The following PDE11A variants were observed in gnomAD, a reference collection of about 807,000 sequenced individuals.
PDE11A encodes phosphodiesterase 11A, also known as dual 3',5'-cyclic-AMP and -GMP phosphodiesterase 11A.
A neutral mutation model predicts 100.5 loss-of-function variants in PDE11A; 100 were observed. That is an observed-to-expected ratio of 1.00 (90% CI 0.85 to 1.18). The LOEUF is 1.18. PDE11A is among the 50% of genes most tolerant of loss of function. The pLI is 0.00. For synonymous variants in PDE11A, 381 were observed against 420.8 expected, an observed-to-expected ratio of 0.91 and a Z score of 1.16; for missense variants, 1,141 against 1,152.6, an observed-to-expected ratio of 0.99 and a Z score of 0.15.
chr2:178,058,036 T>C (rs549163934), intron 1 of PDE11A, among the ~76,000 whole-genome samples: 51 of 152,190 alleles, frequency 3.4e-4, no homozygotes, highest in African/African-American at 1.1e-3. Context: ...TTTTCTATTT[T>C]TAGTAAAGAC....
chr2:177,737,420 T>TACACACACTCACACAC (rs2081804329), intron 10 of PDE11A, among the ~76,000 whole-genome samples: 1 of 110,434 alleles, frequency 9.1e-6, no homozygotes, highest in Non-Finnish European at 2.0e-5. Context: ...CTACTAAAAA[T>TACACACACTCACACAC]ACACACACAC....
At chr2:177,731,928 TA>T (rs1183611138) in intron 10 of PDE11A, among the ~76,000 whole-genome samples, 1 of 152,098 alleles carries the variant, frequency 6.6e-6, no homozygotes, top group Non-Finnish European at 1.5e-5. Context: ...TTTGAGAATT[TA>T]TGCACTAAAA....
intron 5 of PDE11A, among the ~76,000 whole-genome samples, chr2:177,857,834 A>G (rs971227607): frequency 1.4e-4 from 21 of 152,228 alleles, no homozygotes; most frequent in African/African-American, 5.1e-4. Flanking sequence ...AAATAAAAAA[A>G]TGGAAAAAGT....
intron 4 of PDE11A, 59 bp downstream of exon 4, chr2:177,897,998 TA>T: frequency 7.3e-7 from 1 of 1,363,138 alleles, no homozygotes; most frequent in Non-Finnish European, 1.1e-6. Context: ...TAATTATAAA[TA>T]AACTCAACTT....
intron 19 of PDE11A, among the ~76,000 whole-genome samples, chr2:177,657,687 GA>G (rs1477733484): frequency 2.6e-5 from 4 of 151,964 alleles, no homozygotes; most frequent in Non-Finnish European, 5.9e-5. Context: ...AAAGCAGAAA[GA>G]GGCGGGTGAG....
intron 6 of PDE11A, among the ~76,000 whole-genome samples, chr2:177,822,183 T>C (rs1486173392): frequency 2.0e-5 from 3 of 152,006 alleles, no homozygotes; most frequent in Admixed American, 2.0e-4. Flanking sequence ...CATGAAGATA[T>C]TCTTCTGTGC....
intron 10 of PDE11A, among the ~76,000 whole-genome samples, chr2:177,760,923 A>G (rs553820587): frequency 1.3e-4 from 20 of 152,352 alleles, no homozygotes; most frequent in African/African-American, 3.4e-4. Flanking sequence ...AAGAACAGCC[A>G]AACCAGAGCA....
intron 4 of PDE11A, among the ~76,000 whole-genome samples, chr2:177,876,845 C>G (rs2084248962): frequency 6.8e-6 from 1 of 147,914 alleles, no homozygotes; most frequent in Admixed American, 6.7e-5. Flanking sequence ...GAAACCTTTC[C>G]TTCTACCCTC....
chr2:177,651,333 A>G (rs1401096027), intron 19 of PDE11A, among the ~76,000 whole-genome samples: 2 of 152,210 alleles, frequency 1.3e-5, no homozygotes. Context: ...TACTCTTCCC[A>G]AAGCTTTTCC....
chr2:178,031,400 A>C (rs2105841143), intron 1 of PDE11A, among the ~76,000 whole-genome samples: 1 of 152,324 alleles, frequency 6.6e-6, no homozygotes, highest in South Asian at 2.1e-4. Context: ...CATTATTTGC[A>C]GATGATATGA....
At chr2:177,858,941 T>C (rs570349468) in intron 5 of PDE11A, among the ~76,000 whole-genome samples, 1 of 152,234 alleles carries the variant, frequency 6.6e-6, no homozygotes, top group Admixed American at 6.5e-5. Flanking sequence ...TTCATGTCCT[T>C]TGTAGGGACA....
At chr2:178,098,167 G>A (rs2087518828) in intron 2 of PDE11A, among the ~76,000 whole-genome samples, 1 of 152,158 alleles carries the variant, frequency 6.6e-6, no homozygotes, top group Non-Finnish European at 1.5e-5. Context: ...CAATTAAAAT[G>A]TCTCCCAATC....
chr2:178,019,807 A>T (rs1039790650), intron 1 of PDE11A, among the ~76,000 whole-genome samples: 1 of 152,208 alleles, frequency 6.6e-6, no homozygotes, highest in Non-Finnish European at 1.5e-5. Flanking sequence ...CTCAGATTTT[A>T]ACTTGAGAAA....
chr2:178,093,517 C>G (rs1347143917), intron 2 of PDE11A, among the ~76,000 whole-genome samples: 1 of 152,162 alleles, frequency 6.6e-6, no homozygotes, highest in South Asian at 2.1e-4. Context: ...CCTTTCTTTT[C>G]TTTCTAAAAC....
intron 1 of PDE11A, among the ~76,000 whole-genome samples, chr2:178,044,587 C>G (rs2086726573): frequency 6.6e-6 from 1 of 151,868 alleles, no homozygotes; most frequent in South Asian, 2.1e-4. Flanking sequence ...GTATAACAAG[C>G]ACTGCATATG....
intron 2 of PDE11A, among the ~76,000 whole-genome samples, chr2:177,968,986 C>T (rs1234510154): frequency 2.0e-5 from 3 of 152,226 alleles, no homozygotes; most frequent in Non-Finnish European, 2.9e-5. Flanking sequence ...TATTGCAACA[C>T]TATTAACAAT....
intron 2 of PDE11A, among the ~76,000 whole-genome samples, chr2:177,916,017 A>G (rs1288845152): frequency 2.0e-5 from 3 of 152,160 alleles, no homozygotes; most frequent in South Asian, 4.1e-4. Flanking sequence ...CATGAAATAC[A>G]CCTATAATAC....
intron 2 of PDE11A, among the ~76,000 whole-genome samples, chr2:177,986,203 G>A (rs1381989981): frequency 6.6e-6 from 1 of 152,154 alleles, no homozygotes; most frequent in Non-Finnish European, 1.5e-5. Context: ...CTTCAGGAAA[G>A]TGGGGATTCC....
intron 2 of PDE11A, among the ~76,000 whole-genome samples, chr2:177,927,558 A>G (rs1375371562): frequency 1.3e-5 from 2 of 152,236 alleles, no homozygotes; most frequent in Non-Finnish European, 2.9e-5. Context: ...AGTTAAGAGT[A>G]AAGTGTTTAA....
Sources: gnomAD v4.1 joint callset for allele counts (sites outside exome capture counted in the v4.1 genomes callset) on GRCh38, gnomAD v4.1.1 for gene constraint, MANE v1.5 for transcripts, NCBI Gene and HGNC (gene_info 2026-07-23, HGNC 2026-07-21) for gene names.